ADAM22: variants seen among roughly 807,000 people sequenced by gnomAD.
ADAM22 encodes ADAM metallopeptidase domain 22, also known as disintegrin and metalloproteinase domain-containing protein 22.
A neutral mutation model predicts 144.6 loss-of-function variants in ADAM22; 65 were observed. The ratio of observed to expected loss-of-function variants is 0.45; its 90% confidence interval spans 0.37 to 0.55. The LOEUF (loss-of-function observed/expected upper bound fraction) is 0.55, where lower values mean the gene tolerates loss of function less well. Ranked by LOEUF, ADAM22 falls within the 20% of genes least tolerant of loss-of-function variation. The pLI is 0.00. For synonymous variants in ADAM22, 391 were observed against 412.6 expected, an observed-to-expected ratio of 0.95 and a Z score of 0.63; for missense variants, 974 against 1,184.9, an observed-to-expected ratio of 0.82 and a Z score of 2.61.
chr7:88,063,181 A>G (rs1320737560), intron 3 of ADAM22, among the ~76,000 whole-genome samples: 1 of 152,232 alleles, frequency 6.6e-6, no homozygotes, highest in African/African-American at 2.4e-5. Context: ...AAAACACAGT[A>G]TCTGTGAAGC....
chr7:88,076,834 C>G (rs1268090807), intron 4 of ADAM22, among the ~76,000 whole-genome samples: 1 of 152,194 alleles, frequency 6.6e-6, no homozygotes, highest in African/African-American at 2.4e-5. Context: ...AGTGTTCAGA[C>G]TATCTATTCT....
At chr7:88,165,021 G>T (rs561349962) in intron 23 of ADAM22, among the ~76,000 whole-genome samples, 4 of 152,074 alleles carry the variant, frequency 2.6e-5, no homozygotes, top group Admixed American at 2.6e-4. Flanking sequence ...AGATGTGGAT[G>T]TATGTTATGT....
At chr7:88,079,452 A>G (rs934398931) in intron 4 of ADAM22, among the ~76,000 whole-genome samples, 2 of 152,194 alleles carry the variant, frequency 1.3e-5, no homozygotes, top group Non-Finnish European at 2.9e-5. Flanking sequence ...CGAGCAAAAT[A>G]ACCAGCTAAC....
intron 2 of ADAM22, among the ~76,000 whole-genome samples, chr7:87,942,726 A>C (rs1252239292): frequency 6.6e-6 from 1 of 152,152 alleles, no homozygotes; most frequent in South Asian, 2.1e-4. Context: ...CACGTGTCCT[A>C]TTTGTTTGTA....
intron 31 of ADAM22, among the ~76,000 whole-genome samples, chr7:88,195,832 T>A (rs1375867880): frequency 6.6e-6 from 1 of 152,144 alleles, no homozygotes; most frequent in Non-Finnish European, 1.5e-5. Context: ...AACTATTTTT[T>A]AAGGAGGTAG....
Position 88,042,645 on chromosome 7 carries a change from T to C in ADAM22, c.324-32981T>C, listed in dbSNP as rs564793478. Among the ~76,000 whole-genome samples the C allele has an allele frequency of 7.9e-5, 12 of 152,034 alleles. No homozygotes were observed. The South Asian group carries it at 2.5e-3, about 32-fold the overall frequency. ...CTCTCCATTGACTTAGCATTTCTCT[T>C]CATTTAGGAAAAAAAATAGATTTGT... On this transcript the variant is annotated intron_variant, in intron 3 of 31. Coordinates refer to ENST00000413139, the MANE Select transcript of ADAM22 (RefSeq NM_001324418.2).
At chr7:88,178,704 C>G (rs1443048713) in intron 26 of ADAM22, among the ~76,000 whole-genome samples, 3 of 152,014 alleles carry the variant, frequency 2.0e-5, no homozygotes, top group African/African-American at 4.8e-5. Flanking sequence ...TTCCCCAAAG[C>G]AAGGCTTTAT....
intron 2 of ADAM22, 52 bp from the exon 3 acceptor site, chr7:87,978,280 TTGTC>T: frequency 7.7e-7 from 1 of 1,290,654 alleles, no homozygotes; most frequent in Middle Eastern, 1.9e-4. Flanking sequence ...GAAAGACTAA[TTGTC>T]TGATTAGTAT....
intron 3 of ADAM22, among the ~76,000 whole-genome samples, chr7:88,009,087 C>T (rs1280450620): frequency 6.6e-6 from 1 of 151,934 alleles, no homozygotes; most frequent in East Asian, 1.9e-4. Context: ...GGATTTTAGT[C>T]AAATTTGGGA....
intron 3 of ADAM22, among the ~76,000 whole-genome samples, chr7:88,036,796 A>C (rs1046890935): frequency 6.6e-6 from 1 of 152,102 alleles, no homozygotes; most frequent in Non-Finnish European, 1.5e-5. Context: ...TTTATAACAA[A>C]AACAGAAATA....
chr7:88,011,470 G>A (rs10156161), intron 3 of ADAM22, among the ~76,000 whole-genome samples: 285 of 151,452 alleles, frequency 1.9e-3, no homozygotes, highest in African/African-American at 6.5e-3. Flanking sequence ...AACCCGGCAG[G>A]CAGAGCTTGC....
chr7:87,958,084 C>A lies in ADAM22; in HGVS notation c.247-20252C>A, dbSNP rs139286767. Among the ~76,000 whole-genome samples, 796 of 152,190 alleles carry A rather than the reference C, an allele frequency of 5.2e-3. 7 individuals carry two copies. Among genetic ancestry groups the A allele is most frequent in the Non-Finnish European group, 7.3e-3 (497 of 68,008 alleles). On this transcript the variant is annotated intron_variant, in intron 2 of 31. Coordinates refer to ENST00000413139, the MANE Select transcript of ADAM22 (RefSeq NM_001324418.2). ...GCCTGCCTTCCCATTTTATAAACAT[C>A]ATTTATTCATTTTCCCATTAGTAGT...
Position 88,092,953 on chromosome 7 carries a change from T to G in ADAM22, c.391-15223T>G, listed in dbSNP as rs115686089. ...CTTTATTTTCTTTCTGGTATAAGAT[T>G]TTTTTTCCCCCAGTTAACTATCTAA... is the stretch of plus-strand genomic sequence containing the variant. On this transcript the variant is annotated intron_variant, in intron 4 of 31. Coordinates refer to ENST00000413139, the MANE Select transcript of ADAM22 (RefSeq NM_001324418.2). 3.8e-3 allele frequency among the ~76,000 whole-genome samples: 454 copies of G among 118,532 alleles called. 3 individuals are homozygous for G. Among genetic ancestry groups the G allele is most frequent in the African/African-American group, 0.011 (429 of 37,788 alleles). 77.8% of individuals were successfully genotyped at this position (118,532 alleles called of 152,430 possible).
At chr7:87,970,217 G>C (rs1562882782) in intron 2 of ADAM22, among the ~76,000 whole-genome samples, 1 of 151,714 alleles carries the variant, frequency 6.6e-6, no homozygotes, top group East Asian at 2.0e-4. Context: ...TTCCGATGTA[G>C]AAAAGAGGGA....
At chr7:88,194,376 G>A (rs913612939) in intron 31 of ADAM22, among the ~76,000 whole-genome samples, 6 of 152,180 alleles carry the variant, frequency 3.9e-5, no homozygotes, top group Non-Finnish European at 7.3e-5. Context: ...TCTGGCTGCT[G>A]GGATTGTTAC....
intron 5 of ADAM22, among the ~76,000 whole-genome samples, chr7:88,109,741 A>C (rs570615452): frequency 4.1e-4 from 63 of 152,040 alleles, no homozygotes; most frequent in Middle Eastern, 3.4e-3. Flanking sequence ...GGAAAAAAAA[A>C]AAAACAAAAC....
At chr7:87,944,666 A>T (rs1304201640) in intron 2 of ADAM22, among the ~76,000 whole-genome samples, 2 of 152,194 alleles carry the variant, frequency 1.3e-5, no homozygotes, top group Non-Finnish European at 2.9e-5. Flanking sequence ...GGGAAATCAG[A>T]GAGCAAATGA....
intron 3 of ADAM22, among the ~76,000 whole-genome samples, chr7:87,987,459 G>A (rs1419623532): frequency 2.0e-5 from 3 of 152,068 alleles, no homozygotes; most frequent in Non-Finnish European, 2.9e-5. Context: ...GATTACAGGC[G>A]TGAGCCACCA....
chr7:88,083,531 A>G (rs1817516011), intron 4 of ADAM22, among the ~76,000 whole-genome samples: 1 of 151,690 alleles, frequency 6.6e-6, no homozygotes, highest in Admixed American at 6.6e-5. Flanking sequence ...CCCATCATCC[A>G]GCATCAATAG....
Sources: allele counts gnomAD v4.1 joint callset (sites outside exome capture counted in the v4.1 genomes callset), GRCh38; gene constraint gnomAD v4.1.1; transcripts MANE v1.5; gene names NCBI Gene and HGNC (gene_info 2026-07-23, HGNC 2026-07-21).